The following TRIP13 variants were observed in gnomAD, a reference collection of about 807,000 sequenced individuals.
TRIP13 encodes pachytene checkpoint protein 2 homolog.
TRIP13 carries 25 observed loss-of-function variants against 54.4 expected under a neutral mutation model. That is an observed-to-expected ratio of 0.46 (90% CI 0.33 to 0.64). The LOEUF (loss-of-function observed/expected upper bound fraction) is 0.64, where lower values mean the gene tolerates loss of function less well. Ranked by LOEUF, TRIP13 falls within the 30% of genes least tolerant of loss-of-function variation. The pLI is 0.02. For synonymous variants in TRIP13, 207 were observed against 207.8 expected (o/e 1.00, Z 0.03); for missense variants, 373 against 534.2 (o/e 0.70, Z 2.97).
In TRIP13 at chr5:905,048, AGT is replaced by A. The variant is rs1754084757; in HGVS notation, c.608+834_608+835del. 2.0e-5 allele frequency among the ~76,000 whole-genome samples: 3 copies of A among 151,996 alleles called. No individual in the cohort carries two copies. In the South Asian group the frequency reaches 6.2e-4, roughly 32 times the overall value. On this transcript the variant is annotated intron_variant, in intron 6 of 12. Coordinates refer to ENST00000166345, the MANE Select transcript of TRIP13 (RefSeq NM_004237.4). ...TTAGCTGCTGAACATTGTGATCTGA[AGT>A]GTGTGGATTGTGTGTTCCTTTAGTG...
rs1754253097 is a variant in TRIP13, at chr5:912,339, C to T, written c.1020+343C>T. Among the ~76,000 whole-genome samples the T allele has an allele frequency of 6.6e-6, 1 of 152,040 alleles. No individual in the cohort carries two copies. Among genetic ancestry groups the T allele is most frequent in the Admixed American group, 6.6e-5 (1 of 15,266 alleles). On this transcript the variant is annotated intron_variant, in intron 10 of 12. Coordinates refer to ENST00000166345, the MANE Select transcript of TRIP13 (RefSeq NM_004237.4). This position sits in a 1 kb window ranked among gnomAD's most constrained non-coding sequence, Gnocchi z 7.2. ...ACCCCGGGCTTTTCCAATGCCCTGCCTCTCGGGGGCCTGTATCCTTACCTG... is the reference window on the plus strand; with the variant it reads ...ACCCCGGGCTTTTCCAATGCCCTGCTTCTCGGGGGCCTGTATCCTTACCTG...
At chr5:903,883 C>CT (rs1275072274) in intron 5 of TRIP13, among the ~76,000 whole-genome samples, 3 of 152,078 alleles carry the variant, frequency 2.0e-5, no homozygotes, top group African/African-American at 7.2e-5. Flanking sequence ...GGCCGAGAAG[C>CT]TGGGAGCAGT....
Position 907,313 on chromosome 5 carries a change from G to T in TRIP13, c.672+120G>T, listed in dbSNP as rs1038774396. On this transcript the variant is annotated intron_variant, in intron 7 of 12. Transcript: ENST00000166345. This position sits in a 1 kb window ranked among gnomAD's most constrained non-coding sequence, Gnocchi z 4.1. The stretch of plus-strand genomic sequence containing the variant: ...GAACTGGGTGGGAAGGGTGTGTGAG[G>T]ATTGGGGCTGACTGTGATCAGAGAA... The T allele has an allele frequency of 3.4e-6, 3 of 881,768 alleles. No homozygotes were observed. Among genetic ancestry groups the T allele is most frequent in the African/African-American group, 1.7e-5 (1 of 59,358 alleles). 54.6% of individuals were successfully genotyped at this position (881,768 alleles called of 1,614,324 possible). A position where few individuals can be genotyped will look rare whatever the true frequency, so the allele number is the denominator to read the frequency against.
At chr5:909,620 T>G (rs1754187990) in intron 9 of TRIP13, among the ~76,000 whole-genome samples, 1 of 152,090 alleles carries the variant, frequency 6.6e-6, no homozygotes, top group Non-Finnish European at 1.5e-5. Context: ...TATAGAGGTG[T>G]GAAGTGGGAA....
chr5:918,778 G>A (rs1386277089), downstream of TRIP13, among the ~76,000 whole-genome samples: 1 of 152,160 alleles, frequency 6.6e-6, no homozygotes, highest in Non-Finnish European at 1.5e-5. This position sits in a 1 kb window ranked among gnomAD's most constrained non-coding sequence, Gnocchi z 4.3. Flanking sequence ...CAGCACAGGA[G>A]AAAGATGTAG....
chr5:905,709 C>T (rs972656391), intron 6 of TRIP13, among the ~76,000 whole-genome samples: 6 of 152,222 alleles, frequency 3.9e-5, no homozygotes, highest in African/African-American at 1.4e-4. Flanking sequence ...GAGGTTTTCT[C>T]ATTTAAGATT....
chr5:894,974 C>T (rs1353834934), intron 2 of TRIP13, 22 bp downstream of exon 2: 1 of 1,582,804 alleles, frequency 6.3e-7, no homozygotes, highest in Non-Finnish European at 8.5e-7. Flanking sequence ...ATTTGCTGGG[C>T]CAAGGAACAG....
rs1253214571 is a variant in TRIP13, at chr5:913,701, A to G, written c.1021-764A>G. Among the ~76,000 whole-genome samples, 1 of 152,212 alleles carries G rather than the reference A, an allele frequency of 6.6e-6. No homozygotes were observed. Among genetic ancestry groups the G allele is most frequent in the African/African-American group, 2.4e-5 (1 of 41,460 alleles). On this transcript the variant is annotated intron_variant, in intron 10 of 12. Coordinates refer to ENST00000166345, the MANE Select transcript of TRIP13 (RefSeq NM_004237.4). The surrounding 1 kb of genome is among the most constrained non-coding windows in gnomAD (Gnocchi z 4.5). ...TAGGCAGTTTATATGAAATTAAGAC[A>G]TGCAGATGTCACAGTGGATATTGAA... is the stretch of plus-strand genomic sequence containing the variant.
rs1754367832 is a variant in TRIP13, at chr5:917,762, C to T, written c.*659C>T. 1 of 152,188 alleles carries T rather than the reference C, an allele frequency of 6.6e-6. No homozygotes were observed. Among genetic ancestry groups the T allele is most frequent in the Non-Finnish European group, 1.5e-5 (1 of 68,048 alleles). 9.4% of individuals were successfully genotyped at this position (152,188 alleles called of 1,614,324 possible). On this transcript the variant is annotated 3_prime_UTR_variant, in exon 13 of 13. Transcript: ENST00000166345. The stretch of plus-strand genomic sequence containing the variant: ...GTGTTCCAGGGAAACACATGCTGGA[C>T]ATCCCTTGTAACCCGGTATGGGCGC...
At chr5:895,099 C>CT in intron 2 of TRIP13, 147 bp downstream of exon 2, 1 of 815,640 alleles carries the variant, frequency 1.2e-6, no homozygotes, top group Non-Finnish European at 1.9e-6. Context: ...TTTTCACTAG[C>CT]TGTCAGGAGC....
Position 915,947 on chromosome 5 carries a change from T to C in TRIP13, c.1177T>C (p.Phe393Leu). ...LSGRVLRKLP[F>L]LAHALYVQAP... ...CGGCCGGGTCCTGAGAAAACTCCCC[T>C]TTCTGGCTCATGCGCTGTATGTCCA... The change falls in exon 12 of 13, where the codon TTT becomes CTT. Residue 393 changes from phenylalanine to leucine, a missense_variant. By Grantham distance (22) the Phe-to-Leu change is conservative. This residue lies in a region of TRIP13 where 101 missense variants were observed against 138.5 expected (regional missense o/e 0.73). Transcript: ENST00000166345. The surrounding 1 kb of genome is among the most constrained non-coding windows in gnomAD (Gnocchi z 4.2). The C allele has an allele frequency of 6.2e-7, 1 of 1,614,130 alleles. No homozygotes were observed. Among genetic ancestry groups the C allele is most frequent in the Non-Finnish European group, 8.5e-7 (1 of 1,179,990 alleles).
At position 911,216 on chromosome 5, in the gene TRIP13, A is replaced by G. The variant is rs1022780626; in HGVS notation, c.867-627A>G. On this transcript the variant is annotated intron_variant, in intron 9 of 12. Transcript: ENST00000166345. This position sits in a 1 kb window ranked among gnomAD's most constrained non-coding sequence, Gnocchi z 4.7. ...CTAGGGATGATGAGTGGCCATGCCC[A>G]GGTGGTGGTGGGCACCAGAGCCCAC... is the stretch of plus-strand genomic sequence containing the variant. Among the ~76,000 whole-genome samples the G allele has an allele frequency of 9.2e-5, 14 of 152,218 alleles. No homozygotes were observed. Among genetic ancestry groups the G allele is most frequent in the Admixed American group, 6.5e-4 (10 of 15,292 alleles).
chr5:905,868 T>G (rs1754104085), intron 6 of TRIP13, among the ~76,000 whole-genome samples: 1 of 152,252 alleles, frequency 6.6e-6, no homozygotes, highest in Admixed American at 6.5e-5. Context: ...TTAGCTTATG[T>G]TTAGCAACTT....
At chr5:901,240 C>G (rs1338004201) in intron 4 of TRIP13, 101 bp from the exon 5 acceptor site, 1 of 1,026,398 alleles carries the variant, frequency 9.7e-7, no homozygotes, top group Non-Finnish European at 1.5e-6. Flanking sequence ...TCCCTGTGCT[C>G]CCTCTTCTCA....
chr5:914,749 G>A (rs1462869598), intron 11 of TRIP13, among the ~76,000 whole-genome samples, 172 bp downstream of exon 11: 1 of 152,054 alleles, frequency 6.6e-6, no homozygotes, highest in Non-Finnish European at 1.5e-5. Flanking sequence ...GTGCATGTGA[G>A]TAGAAACACG....
chr5:909,131 G>A (rs545703716), intron 9 of TRIP13, among the ~76,000 whole-genome samples: 3 of 152,278 alleles, frequency 2.0e-5, no homozygotes, highest in East Asian at 3.9e-4. Flanking sequence ...TCCCCTGCTC[G>A]CCCTGCTGGC....
At chr5:910,638 C>T (rs1415191273) in intron 9 of TRIP13, among the ~76,000 whole-genome samples, 2 of 152,218 alleles carry the variant, frequency 1.3e-5, no homozygotes, top group African/African-American at 2.4e-5. Flanking sequence ...CAAGGAGACA[C>T]GCTTGCCTCT....
Position 912,636 on chromosome 5 carries a change from A to G in TRIP13, c.1020+640A>G, listed in dbSNP as rs535698928. ...CAGGAGGGCCGTCGCCACGGGCACA[A>G]TGACATGTGCGGTGAGTGTGAGTCA... On this transcript the variant is annotated intron_variant, in intron 10 of 12. Coordinates refer to ENST00000166345, the MANE Select transcript of TRIP13 (RefSeq NM_004237.4). The surrounding 1 kb of genome is among the most constrained non-coding windows in gnomAD (Gnocchi z 7.2). Among the ~76,000 whole-genome samples the G allele has an allele frequency of 3.4e-4, 49 of 145,318 alleles. No homozygotes were observed. Among genetic ancestry groups the G allele is most frequent in the Middle Eastern group, 7.1e-3 (2 of 282 alleles).
chr5:916,667 C>G (rs1218331507), intron 12 of TRIP13, among the ~76,000 whole-genome samples: 2 of 152,172 alleles, frequency 1.3e-5, no homozygotes, highest in Non-Finnish European at 2.9e-5. Context: ...AAGCCTGGGA[C>G]ATAGGGTGGG....
Sources: allele counts gnomAD v4.1 joint callset (sites outside exome capture counted in the v4.1 genomes callset), GRCh38; gene constraint gnomAD v4.1.1; regional missense constraint gnomAD v4.1.1; non-coding constraint Gnocchi (gnomAD v3.1); transcripts MANE v1.5; gene names NCBI Gene and HGNC (gene_info 2026-07-23, HGNC 2026-07-21).